PPHLN1: variants seen among roughly 807,000 people sequenced by gnomAD.
PPHLN1 encodes periphilin 1.
In PPHLN1, 29 loss-of-function variants were observed where a neutral mutation model predicts 51.3. The observed-to-expected ratio is 0.57, with a 90% CI of 0.42 to 0.77. The LOEUF (loss-of-function observed/expected upper bound fraction) is 0.77, where lower values mean the gene tolerates loss of function less well. Among genes scored for constraint, PPHLN1 ranks in the 30% least tolerant of loss-of-function variants. PPHLN1 has a pLI of 0.00. For missense variants in PPHLN1, 436 were observed against 438.4 expected (o/e 0.99, Z 0.05); for synonymous variants, 147 against 147.8 (o/e 0.99, Z 0.04).
At chr12:42,424,484 G>A (rs1434568062) in intron 9 of PPHLN1, among the ~76,000 whole-genome samples, 1 of 152,086 alleles carries the variant, frequency 6.6e-6, no homozygotes, top group African/African-American at 2.4e-5. Context: ...ATAAGTTAGT[G>A]AACTCTAGGA....
chr12:42,431,809 G>T, intron 9 of PPHLN1: 1 of 1,244,942 alleles, frequency 8.0e-7, no homozygotes, highest in Non-Finnish European at 1.2e-6. Context: ...TTTTCTGAAG[G>T]ACCATGCTCT....
chr12:42,424,098 GC>G (rs1464526815), intron 9 of PPHLN1, among the ~76,000 whole-genome samples: 1 of 152,140 alleles, frequency 6.6e-6, no homozygotes, highest in Non-Finnish European at 1.5e-5. Flanking sequence ...TGGCGTTTCT[GC>G]CAATGTTAAA....
In PPHLN1 at chr12:42,441,362, G is replaced by T; in HGVS notation, c.957G>T (p.Leu319=). Residue 319 remains leucine, a synonymous_variant, in exon 10 of 10, where the codon CTG becomes CTT. Transcript: ENST00000358314. ...CTTTCGGGATGGTGGTGAAAATGCT[G>T]ATTGAAAAAGATCCTTCATTAGAAA... is the stretch of plus-strand genomic sequence containing the variant. ...CETFGMVVKM[L]IEKDPSLEKS... is the part of the protein sequence containing the mutation. 2 of 1,613,574 alleles carry T rather than the reference G, an allele frequency of 1.2e-6. No individual in the cohort carries two copies. The highest frequency in any genetic ancestry group is 2.2e-5 in the South Asian group (2 of 90,918).
chr12:42,332,087 CCAG>C (rs2069837691), intron 1 of PPHLN1, among the ~76,000 whole-genome samples: 1 of 152,150 alleles, frequency 6.6e-6, no homozygotes, highest in South Asian at 2.1e-4. Context: ...GCCTGTGGTT[CCAG>C]CTACTAGGGA....
intron 1 of PPHLN1, among the ~76,000 whole-genome samples, chr12:42,328,620 T>G (rs1007448736): frequency 6.6e-6 from 1 of 152,272 alleles, no homozygotes; most frequent in Non-Finnish European, 1.5e-5. Context: ...CTACTAAGTT[T>G]AGTGCAGTAC....
chr12:42,372,202 G>A (rs1236255462), intron 4 of PPHLN1, among the ~76,000 whole-genome samples: 1 of 152,166 alleles, frequency 6.6e-6, no homozygotes, highest in South Asian at 2.1e-4. Flanking sequence ...TGAAAATTGA[G>A]GCCTGTTGTG....
chr12:42,375,374 C>T (rs892499977), intron 5 of PPHLN1: 5 of 191,872 alleles, frequency 2.6e-5, no homozygotes, highest in Admixed American at 5.8e-5. Flanking sequence ...TGTAGTGGCA[C>T]GATCTTGTTT....
chr12:42,344,676 C>T (rs1178760346), intron 2 of PPHLN1, among the ~76,000 whole-genome samples: 2 of 149,998 alleles, frequency 1.3e-5, no homozygotes, highest in Middle Eastern at 3.6e-3. Flanking sequence ...CAATTTTTAC[C>T]TAGTTACTTA....
chr12:42,424,825 A>T (rs1349507196), intron 9 of PPHLN1, among the ~76,000 whole-genome samples: 1 of 152,230 alleles, frequency 6.6e-6, no homozygotes, highest in African/African-American at 2.4e-5. Context: ...CCTGGATACT[A>T]TAAAAAAATG....
intron 9 of PPHLN1, among the ~76,000 whole-genome samples, chr12:42,412,156 G>T (rs2079918936): frequency 6.6e-6 from 1 of 152,098 alleles, no homozygotes; most frequent in South Asian, 2.1e-4. Flanking sequence ...AGTGAGCCAA[G>T]ATCACGCCAC....
At chr12:42,405,668 T>C (rs2079226115) in intron 9 of PPHLN1, among the ~76,000 whole-genome samples, 1 of 151,956 alleles carries the variant, frequency 6.6e-6, no homozygotes, top group Non-Finnish European at 1.5e-5. Context: ...TGAATACTTA[T>C]TTACATGAGT....
chr12:42,395,362 A>G (rs978899048), intron 8 of PPHLN1, among the ~76,000 whole-genome samples: 1 of 152,102 alleles, frequency 6.6e-6, no homozygotes, highest in Non-Finnish European at 1.5e-5. Context: ...GTTGAACAGC[A>G]GCATCAATTT....
chr12:42,383,435 GA>G (rs1344755522), intron 5 of PPHLN1, among the ~76,000 whole-genome samples: 2 of 152,194 alleles, frequency 1.3e-5, no homozygotes, highest in African/African-American at 4.8e-5. Flanking sequence ...GCAGCTTAAT[GA>G]AATAAACACT....
At chr12:42,439,489 G>A (rs2082756412) in intron 9 of PPHLN1, among the ~76,000 whole-genome samples, 1 of 152,198 alleles carries the variant, frequency 6.6e-6, no homozygotes, top group Admixed American at 6.5e-5. Flanking sequence ...TAGCTTTAAA[G>A]TAAGGTGTGT....
downstream of PPHLN1, chr12:42,446,441 C>A: frequency 7.5e-7 from 1 of 1,331,418 alleles, no homozygotes; most frequent in Non-Finnish European, 1.0e-6. Context: ...TAACATACCC[C>A]CAGTGGGGTT....
At chr12:42,346,710 A>G (rs2138060701) in intron 2 of PPHLN1, among the ~76,000 whole-genome samples, 1 of 152,236 alleles carries the variant, frequency 6.6e-6, no homozygotes, top group Non-Finnish European at 1.5e-5. Flanking sequence ...ATTCCCACCA[A>G]CAATGTATTA....
At chr12:42,329,902 C>G (rs935424898) in intron 1 of PPHLN1, 3 of 152,164 alleles carry the variant, frequency 2.0e-5, no homozygotes, top group Non-Finnish European at 4.4e-5. Context: ...GAGACCAACA[C>G]TTAGCATATG....
intron 2 of PPHLN1, among the ~76,000 whole-genome samples, chr12:42,344,420 T>C (rs2071966689): frequency 6.6e-6 from 1 of 152,228 alleles, no homozygotes; most frequent in South Asian, 2.1e-4. Flanking sequence ...TTGTTTTGTC[T>C]ATGCTTCTAC....
At chr12:42,393,939 C>G (rs1019868293) in intron 8 of PPHLN1, among the ~76,000 whole-genome samples, 1 of 151,882 alleles carries the variant, frequency 6.6e-6, no homozygotes, top group Non-Finnish European at 1.5e-5. Flanking sequence ...AAGAAAAATG[C>G]GTTATTTATA....
Sources: allele counts gnomAD v4.1 joint callset (sites outside exome capture counted in the v4.1 genomes callset), GRCh38; gene constraint gnomAD v4.1.1; transcripts MANE v1.5; gene names NCBI Gene and HGNC (gene_info 2026-07-23, HGNC 2026-07-21).